Variants in SUFU observed in about 807,000 individuals in gnomAD.
SUFU encodes SUFU negative regulator of hedgehog signaling.
SUFU carries 7 observed loss-of-function variants against 58.9 expected under a neutral mutation model. The observed-to-expected ratio is 0.12, with a 90% confidence interval of 0.07 to 0.22. The LOEUF (loss-of-function observed/expected upper bound fraction) is 0.22, where lower values mean the gene tolerates loss of function less well. Among genes scored for constraint, SUFU ranks in the 10% least tolerant of loss-of-function variants. SUFU has a pLI of 1.00. For missense variants in SUFU, 451 were observed against 641.3 expected, an observed-to-expected ratio of 0.70 and a Z score of 3.20; for synonymous variants, 232 against 254.8, an observed-to-expected ratio of 0.91 and a Z score of 0.85.
chr10:102,619,341 C>A lies in SUFU; in HGVS notation c.1296+1913C>A. On this transcript the variant is annotated intron_variant, in intron 10 of 11. Coordinates refer to ENST00000369902, the MANE Select transcript of SUFU (RefSeq NM_016169.4). The surrounding 1 kb of genome is among the most constrained non-coding windows in gnomAD (Gnocchi z 4.2). ...CCTCAGCGAGCCTGAGGCCCAGCAC[C>A]CGCTGGCTCCCCAGCACATGGTCCC... is the stretch of plus-strand genomic sequence containing the variant. 7.0e-7 allele frequency: 1 copy of A among 1,423,688 alleles called. No homozygotes were observed. The highest frequency in any genetic ancestry group is 9.2e-7 in the Non-Finnish European group (1 of 1,091,786). 88.2% of individuals were successfully genotyped at this position (1,423,688 alleles called of 1,614,324 possible). A position where few individuals can be genotyped will look rare whatever the true frequency, so the allele number is the denominator to read the frequency against.
chr10:102,603,625 T>A (rs1362888775), intron 8 of SUFU, among the ~76,000 whole-genome samples: 3 of 152,114 alleles, frequency 2.0e-5, no homozygotes, highest in Non-Finnish European at 2.9e-5. Context: ...TTAAGACCTT[T>A]AAAAAATTTT....
At position 102,633,102 on chromosome 10, in the gene SUFU, G is replaced by A. The variant is rs1262217632; in HGVS notation, c.*2947G>A. ...TTGCAAGCAGGGAGAAAACCTGAAG[G>A]TCGGTGCCCCTATGGGGCTGACCAG... is the stretch of plus-strand genomic sequence containing the variant. On this transcript the variant is annotated 3_prime_UTR_variant, in exon 12 of 12. Transcript: ENST00000369902. 8.6e-6 allele frequency: 2 copies of A among 233,326 alleles called. No individual in the cohort carries two copies. Among genetic ancestry groups the A allele is most frequent in the African/African-American group, 4.4e-5 (2 of 45,348 alleles). 14.5% of individuals were successfully genotyped at this position (233,326 alleles called of 1,614,324 possible). A position where few individuals can be genotyped will look rare whatever the true frequency, so the allele number is the denominator to read the frequency against.
At chr10:102,563,768 G>A (rs1185425075) in intron 3 of SUFU, among the ~76,000 whole-genome samples, 1 of 151,664 alleles carries the variant, frequency 6.6e-6, no homozygotes. Flanking sequence ...GGGGAGTGAA[G>A]TCCTTTTTTT....
At chr10:102,566,620 C>T (rs569927983) in intron 3 of SUFU, among the ~76,000 whole-genome samples, 2 of 152,124 alleles carry the variant, frequency 1.3e-5, no homozygotes, top group Admixed American at 6.6e-5. Context: ...AAAAAATAAA[C>T]CAGGCGTGGT....
intron 3 of SUFU, among the ~76,000 whole-genome samples, chr10:102,581,560 G>A (rs981518314): frequency 3.3e-5 from 5 of 152,178 alleles, no homozygotes; most frequent in African/African-American, 1.2e-4. Context: ...GCCCAGCTCC[G>A]CTGCGCAGTC....
intron 2 of SUFU, among the ~76,000 whole-genome samples, chr10:102,529,585 A>C (rs2062653161): frequency 6.6e-6 from 1 of 152,186 alleles, no homozygotes; most frequent in Non-Finnish European, 1.5e-5. Context: ...CAGCCTGGCC[A>C]ATATGGAAGG....
At chr10:102,535,930 AGATGATGAT>A (rs36203045) in intron 2 of SUFU, among the ~76,000 whole-genome samples, 44,363 of 148,724 alleles carry the variant, frequency 0.3, 6,879 homozygotes, top group Admixed American at 0.36. Context: ...TCTAGGCTGG[AGATGATGAT>A]GATGATGATG....
chr10:102,532,543 T>C (rs1297363570), intron 2 of SUFU, among the ~76,000 whole-genome samples: 1 of 152,142 alleles, frequency 6.6e-6, no homozygotes, highest in African/African-American at 2.4e-5. Context: ...AGGATCTGCT[T>C]CCCAGCTCCC....
Position 102,600,262 on chromosome 10 carries a change from C to T in SUFU, c.1022+718C>T, listed in dbSNP as rs529901545. On this transcript the variant is annotated intron_variant, in intron 8 of 11. Transcript: ENST00000369902. ...CTGGCAGGAGATACCTGGGGGCTGG[C>T]AGCCCAAAGCAGGAACCTTGCCTGC... Among the ~76,000 whole-genome samples the T allele has an allele frequency of 4.6e-5, 7 of 152,332 alleles. No homozygotes were observed. The South Asian group carries it at 1.2e-3, about 27-fold the overall frequency.
Position 102,619,596 on chromosome 10 carries a change from C to A in SUFU, c.1296+2168C>A. Reference sequence around the variant, plus strand: ...TGATCACCGAGGGGTTTCTCAGGCCCTTTCCAAGGAGCCCTGGGAAACCCT... The same window carrying A: ...TGATCACCGAGGGGTTTCTCAGGCCATTTCCAAGGAGCCCTGGGAAACCCT... On this transcript the variant is annotated intron_variant, in intron 10 of 11. Transcript: ENST00000369902. The surrounding 1 kb of genome is among the most constrained non-coding windows in gnomAD (Gnocchi z 4.2). 1 of 792,410 alleles carries A rather than the reference C, an allele frequency of 1.3e-6. No homozygotes were observed. Among genetic ancestry groups the A allele is most frequent in the Non-Finnish European group, 1.6e-6 (1 of 637,432 alleles). 49.1% of individuals were successfully genotyped at this position (792,410 alleles called of 1,614,324 possible).
intron 2 of SUFU, among the ~76,000 whole-genome samples, chr10:102,545,175 C>T (rs2062841571): frequency 6.6e-6 from 1 of 151,762 alleles, no homozygotes; most frequent in East Asian, 1.9e-4. Context: ...GTGGCACCAT[C>T]AAGGCTCACT....
intron 2 of SUFU, among the ~76,000 whole-genome samples, chr10:102,525,367 C>T (rs2062598162): frequency 6.6e-6 from 1 of 152,096 alleles, no homozygotes; most frequent in Non-Finnish European, 1.5e-5. Context: ...ACATCAGCCT[C>T]CCAAAGTGCT....
intron 2 of SUFU, among the ~76,000 whole-genome samples, chr10:102,527,934 G>A (rs2062630684): frequency 6.6e-6 from 1 of 152,176 alleles, no homozygotes; most frequent in Non-Finnish European, 1.5e-5. Context: ...AGGGCACCTC[G>A]CTTCCCAAAT....
chr10:102,578,381 C>G (rs1207204401), intron 3 of SUFU, among the ~76,000 whole-genome samples: 1 of 152,076 alleles, frequency 6.6e-6, no homozygotes, highest in South Asian at 2.1e-4. Flanking sequence ...AGTTCGAGAC[C>G]AGCCTGGCCA....
rs1554852370 is a variant in SUFU at position 102,593,641 on chromosome 10, T to C, written c.603T>C (p.Val201=). Residue 201 remains valine (V), a synonymous_variant, in exon 5 of 12, where the codon GTT becomes GTC. Coordinates refer to ENST00000369902, the MANE Select transcript of SUFU (RefSeq NM_016169.4). ...PFGVVTFLQI[V]GVCTEELHSA... ...CTTTCTATCCTGGGCCTCAGATCGT[T>C]GGTGTCTGCACTGAAGAGCTACACT... is the stretch of plus-strand genomic sequence containing the variant. The C allele has an allele frequency of 4.3e-6, 7 of 1,614,130 alleles. No homozygotes were observed. Among genetic ancestry groups the C allele is most frequent in the Non-Finnish European group, 5.9e-6 (7 of 1,180,004 alleles).
Position 102,628,510 on chromosome 10 carries a change from G to C in SUFU, c.1365+1267G>C, listed in dbSNP as rs760497680. 1.3e-5 allele frequency among the ~76,000 whole-genome samples: 2 copies of C among 152,182 alleles called. No homozygotes were observed. Among genetic ancestry groups the C allele is most frequent in the Non-Finnish European group, 2.9e-5 (2 of 68,036 alleles). ...GAGCCAGCTGCCCAGAAGCGCTTCC[G>C]GAGAGGCCTTGTCGCACTGGGATGG... On this transcript the variant is annotated intron_variant, in intron 11 of 11. Transcript: ENST00000369902. The surrounding 1 kb of genome is among the most constrained non-coding windows in gnomAD (Gnocchi z 4.5).
chr10:102,509,847 T>G (rs1403152824), intron 2 of SUFU, among the ~76,000 whole-genome samples: 1 of 151,898 alleles, frequency 6.6e-6, no homozygotes, highest in African/African-American at 2.4e-5. Flanking sequence ...CCCTATATGC[T>G]TTTTTTTGGA....
chr10:102,510,588 G>C (rs1469447931), intron 2 of SUFU, among the ~76,000 whole-genome samples: 1 of 151,842 alleles, frequency 6.6e-6, no homozygotes, highest in Admixed American at 6.5e-5. Context: ...TTGTGGGGCT[G>C]AGGCAGGTGG....
chr10:102,617,760 A>G lies in SUFU; in HGVS notation c.1296+332A>G. ...TTCTGCACCTTGGGTAAACCAAGGT[A>G]CAAGAACTCAAGGATGAAGCAAGAT... is the stretch of plus-strand genomic sequence containing the variant. On this transcript the variant is annotated intron_variant, in intron 10 of 11. Coordinates refer to ENST00000369902, the MANE Select transcript of SUFU (RefSeq NM_016169.4). This position sits in a 1 kb window ranked among gnomAD's most constrained non-coding sequence, Gnocchi z 4.4. The G allele has an allele frequency of 1.8e-6, 1 of 555,426 alleles. No homozygotes were observed. The highest frequency in any genetic ancestry group is 3.2e-6 in the Non-Finnish European group (1 of 315,534). 34.4% of individuals were successfully genotyped at this position (555,426 alleles called of 1,614,324 possible). A position where few individuals can be genotyped will look rare whatever the true frequency, so the allele number is the denominator to read the frequency against.
Sources: gnomAD v4.1 joint callset for allele counts (sites outside exome capture counted in the v4.1 genomes callset) on GRCh38, gnomAD v4.1.1 for gene constraint, Gnocchi (gnomAD v3.1) non-coding constraint, MANE v1.5 for transcripts, NCBI Gene and HGNC (gene_info 2026-07-23, HGNC 2026-07-21) for gene names.